The following ATG14 variants were observed in gnomAD, a reference collection of about 807,000 sequenced individuals.
ATG14 encodes beclin 1-associated autophagy-related key regulator.
Under a neutral mutation model 60.4 loss-of-function variants are expected in ATG14, and 35 were observed. That is an observed-to-expected ratio of 0.58 (90% confidence interval 0.44 to 0.77). The LOEUF is 0.77. Ranked by LOEUF, ATG14 falls within the 30% of genes least tolerant of loss-of-function variation. The pLI is 0.00. For missense variants in ATG14, 647 were observed against 626.3 expected (o/e 1.03, Z -0.35); for synonymous variants, 234 against 228.8 (o/e 1.02, Z -0.21).
intron 1 of ATG14, among the ~76,000 whole-genome samples, chr14:55,399,937 A>C (rs1885371123): frequency 6.6e-6 from 1 of 152,274 alleles, no homozygotes; most frequent in Non-Finnish European, 1.5e-5. Context: ...ACAAACTCTT[A>C]CAAATATACA....
At chr14:55,410,637 C>T (rs1488249090) in intron 1 of ATG14, among the ~76,000 whole-genome samples, 2 of 152,210 alleles carry the variant, frequency 1.3e-5, no homozygotes, top group African/African-American at 2.4e-5. Context: ...TGGTTAAGTG[C>T]GGGTACATAG....
rs529077747 is a variant in ATG14 at position 55,373,609 on chromosome 14, G to A, written c.1173-3684C>T. On this transcript the variant is annotated intron_variant, in intron 9 of 9. Coordinates refer to ENST00000247178, the MANE Select transcript of ATG14 (RefSeq NM_014924.5). Reference sequence around the variant, plus strand: ...CAAGTAGCTGGGGTTACAGGCACCCGCCACCACGCCCAGATAATTTCAGTA... The same window carrying A: ...CAAGTAGCTGGGGTTACAGGCACCCACCACCACGCCCAGATAATTTCAGTA... 2.6e-5 allele frequency among the ~76,000 whole-genome samples: 4 copies of A among 152,076 alleles called. 1 individual carries two copies. Among genetic ancestry groups the A allele is most frequent in the African/African-American group, 4.8e-5 (2 of 41,474 alleles).
At position 55,369,483 on chromosome 14, in the gene ATG14, T is replaced by C; in HGVS notation, c.*136A>G. The C allele has an allele frequency of 1.1e-6, 1 of 889,930 alleles. No homozygotes were observed. 55.1% of individuals were successfully genotyped at this position (889,930 alleles called of 1,614,324 possible). ...AAATAGAAATGTTTGTCTCCCTGCT[T>C]AAAAAGACAAAACAAAACAACACTT... On this transcript the variant is annotated 3_prime_UTR_variant, in exon 10 of 10. Coordinates refer to ENST00000247178, the MANE Select transcript of ATG14 (RefSeq NM_014924.5).
chr14:55,392,464 A>G (rs1321993537), intron 3 of ATG14, among the ~76,000 whole-genome samples: 1 of 152,146 alleles, frequency 6.6e-6, no homozygotes, highest in East Asian at 1.9e-4. Flanking sequence ...CCTGGGCAAC[A>G]TGGCGAAACC....
intron 5 of ATG14, among the ~76,000 whole-genome samples, chr14:55,385,508 G>A (rs1025739752): frequency 6.6e-5 from 10 of 152,228 alleles, no homozygotes; most frequent in African/African-American, 2.4e-4. Context: ...GGCCAGGTTG[G>A]TCTCAAACTC....
At chr14:55,386,888 A>C (rs1266761910) in intron 4 of ATG14, among the ~76,000 whole-genome samples, 2 of 152,186 alleles carry the variant, frequency 1.3e-5, no homozygotes, top group Admixed American at 1.3e-4. Flanking sequence ...AGGCAACTTA[A>C]ACCCAAGTTC....
intron 6 of ATG14, among the ~76,000 whole-genome samples, chr14:55,381,065 C>A (rs1413140553): frequency 6.6e-6 from 1 of 151,904 alleles, no homozygotes; most frequent in Non-Finnish European, 1.5e-5. Context: ...TCATCCCTTC[C>A]TCTGTACCCC....
chr14:55,379,400 G>A (rs906677619), intron 7 of ATG14, among the ~76,000 whole-genome samples: 7 of 151,962 alleles, frequency 4.6e-5, no homozygotes, highest in Admixed American at 6.6e-5. Context: ...AAATTAGCCA[G>A]GTGTGGTAGC....
At chr14:55,371,929 G>A (rs970687205) in intron 9 of ATG14, among the ~76,000 whole-genome samples, 9 of 152,176 alleles carry the variant, frequency 5.9e-5, no homozygotes, top group Non-Finnish European at 8.8e-5. Context: ...ACTGCCCCTT[G>A]AATTTCTCTG....
chr14:55,380,875 A>ATTTTTTTTTTTTTTT (rs1170779991), intron 6 of ATG14, among the ~76,000 whole-genome samples, 185 bp from the exon 7 acceptor site: 1 of 112,732 alleles, frequency 8.9e-6, no homozygotes, highest in Non-Finnish European at 1.7e-5. Flanking sequence ...ATATATATAT[A>ATTTTTTTTTTTTTTT]TTTTTTTTTT....
intron 3 of ATG14, 165 bp from the exon 4 acceptor site, chr14:55,391,157 G>A (rs968762306): frequency 4.5e-5 from 24 of 537,958 alleles, no homozygotes; most frequent in African/African-American, 2.6e-4. Flanking sequence ...AAAAGAGAAC[G>A]ATGTTTTTCT....
At chr14:55,391,038 G>A (rs1474634407) in intron 3 of ATG14, 46 bp from the exon 4 acceptor site, 1 of 1,322,120 alleles carries the variant, frequency 7.6e-7, no homozygotes, top group East Asian at 2.4e-5. Context: ...GTCTCTTATG[G>A]TTAATATGAT....
At chr14:55,409,041 C>A (rs1288861102) in intron 1 of ATG14, among the ~76,000 whole-genome samples, 1 of 152,108 alleles carries the variant, frequency 6.6e-6, no homozygotes, top group Non-Finnish European at 1.5e-5. Flanking sequence ...AGACCAGAGG[C>A]AAGGTAAGGA....
chr14:55,384,630 T>G (rs1354923060), intron 5 of ATG14, among the ~76,000 whole-genome samples: 1 of 152,252 alleles, frequency 6.6e-6, no homozygotes, highest in Non-Finnish European at 1.5e-5. Context: ...AAGCTGGAAG[T>G]AGCAATCAGT....
chr14:55,374,821 A>G (rs1884888548), intron 9 of ATG14, among the ~76,000 whole-genome samples: 1 of 152,184 alleles, frequency 6.6e-6, no homozygotes, highest in South Asian at 2.1e-4. Context: ...CCACATATAC[A>G]AGAGTCTGTT....
chr14:55,370,389 A>C (rs1167274108), intron 9 of ATG14, among the ~76,000 whole-genome samples: 1 of 141,354 alleles, frequency 7.1e-6, no homozygotes, highest in African/African-American at 2.5e-5. Context: ...GTTCCTGTAC[A>C]TATTTAAAAA....
intron 1 of ATG14, among the ~76,000 whole-genome samples, chr14:55,408,754 G>C (rs188866739): frequency 1.3e-5 from 2 of 152,290 alleles, no homozygotes; most frequent in Non-Finnish European, 2.9e-5. Flanking sequence ...CTCGGTGACA[G>C]AGCAAGATCC....
chr14:55,387,103 C>T (rs753254935), intron 4 of ATG14, among the ~76,000 whole-genome samples: 5 of 152,044 alleles, frequency 3.3e-5, no homozygotes, highest in South Asian at 2.1e-4. Flanking sequence ...CAACACGGCT[C>T]GACTCCACGC....
At chr14:55,399,673 T>C (rs1885367461) in intron 1 of ATG14, among the ~76,000 whole-genome samples, 1 of 152,250 alleles carries the variant, frequency 6.6e-6, no homozygotes, top group African/African-American at 2.4e-5. Flanking sequence ...TTTACTTTTA[T>C]ATCAGTGAGA....
Sources: gnomAD v4.1 joint callset for allele counts (sites outside exome capture counted in the v4.1 genomes callset) on GRCh38, gnomAD v4.1.1 for gene constraint, MANE v1.5 for transcripts, NCBI Gene and HGNC (gene_info 2026-07-23, HGNC 2026-07-21) for gene names.